Variants in CHN2 observed in about 807,000 individuals in gnomAD.
The protein encoded by CHN2 is beta-chimaerin.
In CHN2, 35 loss-of-function variants were observed where a neutral mutation model predicts 56.3. The observed-to-expected ratio is 0.62, with a 90% CI of 0.47 to 0.82. The LOEUF (loss-of-function observed/expected upper bound fraction) is 0.82. CHN2 is among the 40% of genes least tolerant of loss of function. CHN2 has a pLI of 0.00. For synonymous variants in CHN2, 210 were observed against 212.8 expected, an observed-to-expected ratio of 0.99 and a Z score of 0.12; for missense variants, 491 against 580.5, an observed-to-expected ratio of 0.85 and a Z score of 1.58.
intron 6 of CHN2, among the ~76,000 whole-genome samples, chr7:29,466,306 G>C (rs549393162): frequency 2.7e-4 from 41 of 152,244 alleles, no homozygotes; most frequent in African/African-American, 6.7e-4. Context: ...ATATTGAGAC[G>C]TAATTTTCTG....
At chr7:29,318,299 A>G (rs1319452395) in intron 1 of CHN2, among the ~76,000 whole-genome samples, 5 of 152,200 alleles carry the variant, frequency 3.3e-5, no homozygotes, top group Non-Finnish European at 7.3e-5. Context: ...AGCCAAATTA[A>G]TTGGCCTACA....
intron 6 of CHN2, among the ~76,000 whole-genome samples, chr7:29,406,564 C>T (rs765860438): frequency 6.6e-6 from 1 of 152,164 alleles, no homozygotes; most frequent in Non-Finnish European, 1.5e-5. Context: ...CTCCCCTCCC[C>T]TCCCCGCCCT....
chr7:29,508,504 A>G (rs573960245), intron 11 of CHN2, among the ~76,000 whole-genome samples: 139 of 151,972 alleles, frequency 9.1e-4, no homozygotes, highest in African/African-American at 3.2e-3. Context: ...GGAGACACAA[A>G]GGCAGGCTGG....
At chr7:29,366,621 A>G (rs1221737713) in intron 2 of CHN2, among the ~76,000 whole-genome samples, 5 of 152,088 alleles carry the variant, frequency 3.3e-5, no homozygotes, top group African/African-American at 9.7e-5. Context: ...TTTATCTGTC[A>G]TTTTTAGTGT....
At chr7:29,376,919 C>T (rs1800121086) in intron 3 of CHN2, among the ~76,000 whole-genome samples, 1 of 148,526 alleles carries the variant, frequency 6.7e-6, no homozygotes. Context: ...TAAGCCTGAT[C>T]TCCTCCCTCT....
At chr7:29,244,191 CG>C (rs1562860409) in intron 1 of CHN2, among the ~76,000 whole-genome samples, 1 of 152,120 alleles carries the variant, frequency 6.6e-6, no homozygotes, top group African/African-American at 2.4e-5. Flanking sequence ...CTGTCATTTC[CG>C]AGTCTGGGAT....
intron 8 of CHN2, 69 bp from the exon 9 acceptor site, chr7:29,499,798 C>A: frequency 7.2e-7 from 1 of 1,393,998 alleles, no homozygotes; most frequent in Non-Finnish European, 9.6e-7. Flanking sequence ...TTATTTTTGG[C>A]AACATATAAT....
At chr7:29,238,641 G>GAA (rs1787397553) in intron 1 of CHN2, among the ~76,000 whole-genome samples, 1 of 152,092 alleles carries the variant, frequency 6.6e-6, no homozygotes, top group Non-Finnish European at 1.5e-5. Flanking sequence ...ATTTAGGGAA[G>GAA]AAAAAATGGG....
intron 1 of CHN2, among the ~76,000 whole-genome samples, chr7:29,228,378 CA>C (rs1371165253): frequency 6.6e-5 from 10 of 152,232 alleles, no homozygotes; most frequent in African/African-American, 2.2e-4. Context: ...CTACAGTATT[CA>C]GTATAGTACC....
chr7:29,298,592 G>A (rs1405294756), intron 1 of CHN2, among the ~76,000 whole-genome samples: 1 of 152,160 alleles, frequency 6.6e-6, no homozygotes, highest in Non-Finnish European at 1.5e-5. Context: ...TCCCAAAAAG[G>A]AAACCTCCGA....
At chr7:29,304,620 A>T (rs1334271237) in intron 1 of CHN2, among the ~76,000 whole-genome samples, 1 of 152,230 alleles carries the variant, frequency 6.6e-6, no homozygotes, top group African/African-American at 2.4e-5. Flanking sequence ...CCATTTAAGA[A>T]TTTGGTCCAA....
At chr7:29,263,455 A>C (rs886072309) in intron 1 of CHN2, among the ~76,000 whole-genome samples, 1 of 150,524 alleles carries the variant, frequency 6.6e-6, no homozygotes, top group Non-Finnish European at 1.5e-5. Flanking sequence ...GCCACCCCGT[A>C]TAGGAAGTGA....
chr7:29,330,439 G>T (rs1796129839), intron 1 of CHN2, among the ~76,000 whole-genome samples: 1 of 152,180 alleles, frequency 6.6e-6, no homozygotes, highest in South Asian at 2.1e-4. Context: ...GAAAAAGAGA[G>T]TCCCCCGCTT....
intron 6 of CHN2, 109 bp from the exon 7 acceptor site, chr7:29,480,170 T>C (rs1787008538): frequency 6.2e-7 from 1 of 1,602,110 alleles, no homozygotes; most frequent in Non-Finnish European, 8.5e-7. Flanking sequence ...TTCGGAAGTC[T>C]AAGCAGGGCA....
intron 1 of CHN2, among the ~76,000 whole-genome samples, chr7:29,283,451 G>A (rs1297803864): frequency 6.6e-6 from 1 of 152,178 alleles, no homozygotes; most frequent in Non-Finnish European, 1.5e-5. Flanking sequence ...TAGTAAAAAT[G>A]ATGGGATTTC....
intron 1 of CHN2, among the ~76,000 whole-genome samples, chr7:29,280,947 T>C (rs1791656891): frequency 6.6e-6 from 1 of 152,060 alleles, no homozygotes; most frequent in East Asian, 1.9e-4. Flanking sequence ...AATACAAAAA[T>C]TAGCCGGGCA....
intron 1 of CHN2, among the ~76,000 whole-genome samples, chr7:29,332,244 C>T (rs970641591): frequency 2.0e-5 from 3 of 152,156 alleles, no homozygotes; most frequent in African/African-American, 7.2e-5. Context: ...CTCTCTGAAG[C>T]TCTGTTTGCT....
At chr7:29,254,352 G>C (rs1026363536) in intron 1 of CHN2, among the ~76,000 whole-genome samples, 4 of 152,212 alleles carry the variant, frequency 2.6e-5, no homozygotes, top group Admixed American at 2.0e-4. Flanking sequence ...GCTAATGCTA[G>C]TCTATAAAGC....
chr7:29,480,264 T>C lies in CHN2; in HGVS notation c.577-15T>C. 6.2e-7 allele frequency: 1 copy of C among 1,614,166 alleles called. No homozygotes were observed. Among genetic ancestry groups the C allele is most frequent in the South Asian group, 1.1e-5 (1 of 91,084 alleles). On this transcript the variant is annotated splice_polypyrimidine_tract_variant and intron_variant, in intron 6 of 12. Transcript: ENST00000222792. ...CTTTCTTTGGCCCCCTCTCAAACTC[T>C]TTGCCTGTTCACAGATCTCCTCCCT...
Sources: allele counts gnomAD v4.1 joint callset (sites outside exome capture counted in the v4.1 genomes callset), GRCh38; gene constraint gnomAD v4.1.1; transcripts MANE v1.5; gene names NCBI Gene and HGNC (gene_info 2026-07-23, HGNC 2026-07-21).